The following PCDH15 variants were observed in gnomAD, a reference collection of about 807,000 sequenced individuals.
PCDH15 encodes the protein protocadherin related 15, also known as protocadherin-15.
PCDH15 carries 129 observed loss-of-function variants against 178.5 expected under a neutral mutation model. That is an observed-to-expected ratio of 0.72 (90% CI 0.63 to 0.84). The LOEUF is 0.84. Among genes scored for constraint, PCDH15 ranks in the 40% least tolerant of loss-of-function variants. The pLI, the probability that PCDH15 is intolerant of heterozygous loss-of-function variation, is 0.00. For synonymous variants in PCDH15, 800 were observed against 732.0 expected (o/e 1.09, Z -1.50); for missense variants, 2,230 against 2,099.9 (o/e 1.06, Z -1.21).
At chr10:55,085,958 A>C (rs1016091038) in intron 2 of PCDH15, among the ~76,000 whole-genome samples, 1 of 151,706 alleles carries the variant, frequency 6.6e-6, no homozygotes, top group African/African-American at 2.4e-5. Flanking sequence ...TATATCATCT[A>C]TCAAGGAGTA....
intron 1 of PCDH15, among the ~76,000 whole-genome samples, chr10:54,680,962 G>C (rs999274940): frequency 1.3e-5 from 2 of 152,156 alleles, no homozygotes; most frequent in African/African-American, 4.8e-5. Context: ...AATGACACTT[G>C]AGCTGAGACC....
At chr10:55,182,633 G>A (rs1308020223) in intron 1 of PCDH15, among the ~76,000 whole-genome samples, 1 of 151,964 alleles carries the variant, frequency 6.6e-6, no homozygotes, top group Non-Finnish European at 1.5e-5. Context: ...CTATCAAACA[G>A]TAAGTAATAC....
In PCDH15 at chr10:53,888,287, T is replaced by TATATATATATATAC. The variant is rs71461209; in HGVS notation, c.3501+14955_3501+14956insGTATATATATATAT. Among the ~76,000 whole-genome samples the TATATATATATATAC allele has an allele frequency of 1.6e-4, 9 of 55,154 alleles. No individual in the cohort carries two copies. In the East Asian group the frequency reaches 0.037, roughly 230 times the overall value. The allele number at this position is 55,154 out of a possible 152,430, so 36.2% of individuals were successfully genotyped here. Reference sequence around the variant, plus strand: ...TACAAATAAACATTCCAACACTATATATACATATATATATATATATATGTA... The same window carrying TATATATATATATAC: ...TACAAATAAACATTCCAACACTATATATATATATATATACATACATATATATATATATATATGTA... On this transcript the variant is annotated intron_variant, in intron 26 of 37. Coordinates refer to ENST00000644397, the MANE Select transcript of PCDH15 (RefSeq NM_001384140.1).
intron 23 of PCDH15, among the ~76,000 whole-genome samples, chr10:53,956,584 T>C (rs541058538): frequency 4.3e-4 from 65 of 152,168 alleles, no homozygotes; most frequent in Non-Finnish European, 7.5e-4. Context: ...ACTCAAGTAC[T>C]ACTAAATGCA....
chr10:54,223,071 G>A (rs1490458967), intron 9 of PCDH15, among the ~76,000 whole-genome samples: 1 of 151,956 alleles, frequency 6.6e-6, no homozygotes, highest in South Asian at 2.1e-4. Context: ...CAGCACTTTC[G>A]AAGGCTGAGG....
At chr10:55,070,519 C>G (rs907551156) in intron 2 of PCDH15, among the ~76,000 whole-genome samples, 5 of 152,172 alleles carry the variant, frequency 3.3e-5, no homozygotes, top group Non-Finnish European at 1.5e-5. Flanking sequence ...TTCCCAGCAC[C>G]ATTTTTTAAA....
intron 1 of PCDH15, among the ~76,000 whole-genome samples, chr10:55,235,682 G>A (rs1841360706): frequency 6.6e-6 from 1 of 151,972 alleles, no homozygotes; most frequent in Admixed American, 6.6e-5. Flanking sequence ...CGAGGTGGGT[G>A]GATCACCTGA....
chr10:55,581,159 T>C (rs982144342), intron 2 of PCDH15, among the ~76,000 whole-genome samples: 5 of 152,182 alleles, frequency 3.3e-5, no homozygotes, highest in African/African-American at 1.2e-4. Flanking sequence ...GAGTCAGCAG[T>C]GCTTTTAGGA....
At chr10:54,467,601 G>GTTTTTTTTTTTTTTTTTTTTTTTTTGT (rs2077610747) in intron 3 of PCDH15, among the ~76,000 whole-genome samples, 1 of 45,670 alleles carries the variant, frequency 2.2e-5, no homozygotes, top group Non-Finnish European at 3.9e-5. Flanking sequence ...TCAAGCTGTA[G>GTTTTTTTTTTTTTTTTTTTTTTTTTGT]TTTTTTTTTT....
chr10:54,037,784 A>G (rs10825202), intron 18 of PCDH15, among the ~76,000 whole-genome samples: 90,408 of 151,442 alleles, frequency 0.6, 29,647 homozygotes, highest in Middle Eastern at 0.75. Context: ...CTTTGCAGAT[A>G]ATAAAGAAAG....
intron 21 of PCDH15, among the ~76,000 whole-genome samples, chr10:53,990,983 C>A (rs1414251200): frequency 6.6e-6 from 1 of 152,226 alleles, no homozygotes; most frequent in South Asian, 2.1e-4. Flanking sequence ...TGCACTGAGT[C>A]CCCCAGCACT....
chr10:54,997,081 C>T (rs983286860), intron 2 of PCDH15, among the ~76,000 whole-genome samples: 2 of 147,578 alleles, frequency 1.4e-5, no homozygotes, highest in African/African-American at 5.0e-5. Context: ...TGCACTCCAG[C>T]CTGAGCAACA....
Position 54,836,596 on chromosome 10 carries a change from A to G in PCDH15, c.-29+60854T>C, listed in dbSNP as rs182863580. The stretch of plus-strand genomic sequence containing the variant: ...GTGCATTTGTGTGTATTTTTTTGAA[A>G]AAGATATAAATAATCTAGTTCACAA... On this transcript the variant is annotated intron_variant, in intron 3 of 5. Transcript: ENST00000458638. Among the ~76,000 whole-genome samples, 70 of 152,220 alleles carry G rather than the reference A, an allele frequency of 4.6e-4. No individual in the cohort carries two copies. In the East Asian group the frequency reaches 0.013, roughly 29 times the overall value.
intron 2 of PCDH15, among the ~76,000 whole-genome samples, chr10:55,518,977 C>T (rs1841087165): frequency 6.6e-6 from 1 of 151,180 alleles, no homozygotes; most frequent in Admixed American, 6.6e-5. Flanking sequence ...GCCTGTAGTC[C>T]CAGCTACTCA....
chr10:55,052,770 C>T (rs1203073625), intron 2 of PCDH15, among the ~76,000 whole-genome samples: 3 of 151,824 alleles, frequency 2.0e-5, no homozygotes, highest in Non-Finnish European at 4.4e-5. Flanking sequence ...ACAAAATATC[C>T]TAAGGTCAAG....
At chr10:54,355,120 CAAAAAAAAAAAA>C (rs770404490) in intron 5 of PCDH15, among the ~76,000 whole-genome samples, 2 of 69,840 alleles carry the variant, frequency 2.9e-5, no homozygotes, top group Non-Finnish European at 5.1e-5. Flanking sequence ...AGGAGGATTG[CAAAAAAAAAAAA>C]AAAAAAAAAA....
At chr10:55,206,559 G>C (rs963184364) in intron 1 of PCDH15, among the ~76,000 whole-genome samples, 2 of 152,052 alleles carry the variant, frequency 1.3e-5, no homozygotes, top group African/African-American at 4.8e-5. Context: ...TTGTGGGTTT[G>C]AGGTCAGACT....
At chr10:54,218,026 G>A (rs556489499) in intron 9 of PCDH15, among the ~76,000 whole-genome samples, 36 of 152,130 alleles carry the variant, frequency 2.4e-4, no homozygotes, top group African/African-American at 7.2e-4. Flanking sequence ...ATAAGTTTAC[G>A]AGTGTTGCAA....
intron 1 of PCDH15, among the ~76,000 whole-genome samples, chr10:55,272,539 A>C (rs1167658081): frequency 6.6e-6 from 1 of 151,548 alleles, no homozygotes; most frequent in Admixed American, 6.6e-5. Context: ...ACACCACCAC[A>C]CCCGGCTAAT....
Sources: gnomAD v4.1 joint callset for allele counts (sites outside exome capture counted in the v4.1 genomes callset) on GRCh38, gnomAD v4.1.1 for gene constraint, MANE v1.5 for transcripts, NCBI Gene and HGNC (gene_info 2026-07-23, HGNC 2026-07-21) for gene names.